The following RIPK4 variants were observed in gnomAD, a reference collection of about 807,000 sequenced individuals.
The protein encoded by RIPK4 is receptor interacting serine/threonine kinase 4.
Under a neutral mutation model 42.9 loss-of-function variants are expected in RIPK4, and 17 were observed. The observed-to-expected ratio is 0.40, with a 90% CI of 0.27 to 0.59. RIPK4 has a LOEUF of 0.59. Among genes scored for constraint, RIPK4 ranks in the 20% least tolerant of loss-of-function variants. The pLI is 0.47. For missense variants in RIPK4, 897 were observed against 1,104.4 expected, an observed-to-expected ratio of 0.81 and a Z score of 2.66; for synonymous variants, 498 against 499.1, an observed-to-expected ratio of 1.00 and a Z score of 0.03.
intron 7 of RIPK4, among the ~76,000 whole-genome samples, chr21:41,743,464 C>T (rs2061160698): frequency 2.6e-5 from 4 of 152,206 alleles, no homozygotes; most frequent in Non-Finnish European, 5.9e-5. Flanking sequence ...AACGGGGAGC[C>T]CACATATGCG....
rs2061169476 is a variant in RIPK4, at chr21:41,745,963, C to T, written c.833-101G>A. ...CCCCCACGAGCTGGGGGATTTCTCA[C>T]ACGCCTCGGCCCAGCCTGAGCTCAC... On this transcript the variant is annotated intron_variant, in intron 5 of 7. Coordinates refer to ENST00000332512, the MANE Select transcript of RIPK4 (RefSeq NM_020639.3). The T allele has an allele frequency of 5.0e-6, 5 of 998,226 alleles. No individual in the cohort carries two copies. In the Admixed American group the frequency reaches 8.6e-5, roughly 17 times the overall value. The allele number at this position is 998,226 out of a possible 1,614,324, so 61.8% of individuals were successfully genotyped here.
Position 41,767,028 on chromosome 21 carries a change from C to T in RIPK4, c.14G>A (p.Gly5Asp), listed in dbSNP as rs769215530. Residue 5 changes from glycine (G) to aspartate (D), a missense_variant, in exon 1 of 8, where the codon GGC (glycine) becomes GAC (aspartate). Physicochemically the swap from Gly to Asp is moderately conservative, Grantham distance 94 (BLOSUM62 -1). Transcript: ENST00000332512. This position sits in a 1 kb window ranked among gnomAD's most constrained non-coding sequence, Gnocchi z 4.0. ...CAGCGCCAGGGCCCATGGGGTCCCG[C>T]CGTCGCCCTCCATCGCGCACGTCTA... is the stretch of plus-strand genomic sequence containing the variant. MEGD[G>D]GTPWALALLR... is the part of the protein sequence containing the mutation. 1 of 1,577,496 alleles carries T rather than the reference C, an allele frequency of 6.3e-7. No homozygotes were observed. The highest frequency in any genetic ancestry group is 2.5e-5 in the East Asian group (1 of 40,330).
chr21:41,745,069 G>A (rs2061166512), intron 6 of RIPK4, among the ~76,000 whole-genome samples: 1 of 152,030 alleles, frequency 6.6e-6, no homozygotes, highest in African/African-American at 2.4e-5. Context: ...CCCTTATCAG[G>A]GCCCAGGTCT....
intron 1 of RIPK4, among the ~76,000 whole-genome samples, chr21:41,758,041 T>TATATATATATAG (rs1452050960): frequency 3.4e-5 from 2 of 58,486 alleles, no homozygotes; most frequent in Admixed American, 2.1e-4. Context: ...TATATATATA[T>TATATATATATAG]AGAGAGAGAG....
At position 41,742,829 on chromosome 21, in the gene RIPK4, G is replaced by T. The variant is rs1012558513; in HGVS notation, c.1196-832C>A. ...GTCATTTCAGAGTATTAGACCCAAA[G>T]AGAATGTTCTAGAACGTACTTATCC... On this transcript the variant is annotated intron_variant, in intron 7 of 7. Coordinates refer to ENST00000332512, the MANE Select transcript of RIPK4 (RefSeq NM_020639.3). This position sits in a 1 kb window ranked among gnomAD's most constrained non-coding sequence, Gnocchi z 5.1. Among the ~76,000 whole-genome samples the T allele has an allele frequency of 1.3e-5, 2 of 152,232 alleles. No individual in the cohort carries two copies. Among genetic ancestry groups the T allele is most frequent in the African/African-American group, 2.4e-5 (1 of 41,538 alleles).
rs886057089 is a variant in RIPK4 at position 41,756,728 on chromosome 21, G to T, written c.271C>A (p.Pro91Thr). The T allele has an allele frequency of 6.2e-7, 1 of 1,614,132 alleles. No individual in the cohort carries two copies. The highest frequency in any genetic ancestry group is 1.3e-5 in the African/African-American group (1 of 74,954). ...ILPVYGICREPVGLVMEYMET... is the reference protein window; with the variant it reads ...ILPVYGICRETVGLVMEYMET... Reference sequence around the variant, plus strand: ...ATGTACTCCATGACCAGGCCGACAGGTTCGCGGCAGATGCCATACACAGGC... The same window carrying T: ...ATGTACTCCATGACCAGGCCGACAGTTTCGCGGCAGATGCCATACACAGGC... Residue 91 changes from proline to threonine, a missense_variant, in exon 2 of 8, where the codon CCT (proline) becomes ACT (threonine). Transcript: ENST00000332512.
intron 6 of RIPK4, 56 bp downstream of exon 6, chr21:41,745,703 A>G (rs2061168470): frequency 7.3e-7 from 1 of 1,376,064 alleles, no homozygotes; most frequent in Admixed American, 1.7e-5. Context: ...AGTGGTTTGG[A>G]AACTCCTGCC....
rs369458170 is a variant in RIPK4, at chr21:41,740,840, A to G, written c.2353T>C (p.Ter785GlnextTer60). 4 of 1,598,808 alleles carry G rather than the reference A, an allele frequency of 2.5e-6. No homozygotes were observed. In the Admixed American group the frequency reaches 5.1e-5, roughly 20 times the overall value. The stretch of plus-strand genomic sequence containing the variant: ...CCCCGGTCTCCGCAGGCAGCCAGCT[A>G]GGTCTTGCTTCGCCGCAGGAGCGTG... ...AATLLRRSKT[*>Q] Residue 785 changes from the stop codon to glutamine, a stop_lost, in exon 8 of 8, where the codon TAG becomes CAG. Transcript: ENST00000332512.
chr21:41,764,706 G>C (rs946447838), intron 1 of RIPK4, among the ~76,000 whole-genome samples: 1 of 152,144 alleles, frequency 6.6e-6, no homozygotes, highest in Non-Finnish European at 1.5e-5. Context: ...GAGCACAGTG[G>C]GACTGATGTA....
chr21:41,759,783 T>A (rs1433157959), intron 1 of RIPK4, among the ~76,000 whole-genome samples: 1 of 152,136 alleles, frequency 6.6e-6, no homozygotes, highest in South Asian at 2.1e-4. Context: ...GTTCAGCCCC[T>A]CCTAGGCTTC....
rs552498046 is a variant in RIPK4 at position 41,756,531 on chromosome 21, G to A, written c.468C>T (p.His156=). ...PANILLDAHY[H]VKISDFGLAK... ...GCACCGTGCGGCCCCCCACCTTGAC[G>A]TGGTAGTGGGCATCCAGCAGGATGT... Residue 156 remains histidine, a synonymous_variant, in exon 2 of 8, where the codon CAC becomes CAT. Coordinates refer to ENST00000332512, the MANE Select transcript of RIPK4 (RefSeq NM_020639.3). 6.2e-6 allele frequency: 10 copies of A among 1,611,986 alleles called. No individual in the cohort carries two copies. In the East Asian group the frequency reaches 6.7e-5, roughly 11 times the overall value.
At chr21:41,745,629 G>T in intron 6 of RIPK4, 130 bp downstream of exon 6, 1 of 671,442 alleles carries the variant, frequency 1.5e-6, no homozygotes, top group African/African-American at 1.8e-5. Context: ...TAATGGAGTT[G>T]GGTGCGGGAT....
intron 1 of RIPK4, 127 bp downstream of exon 1, chr21:41,766,733 G>T: frequency 9.7e-7 from 1 of 1,031,630 alleles, no homozygotes; most frequent in African/African-American, 1.7e-5. Flanking sequence ...CCGGCAATTG[G>T]TTTCCCCCCC....
intron 1 of RIPK4, 48 bp from the exon 2 acceptor site, chr21:41,756,864 C>G: frequency 6.3e-7 from 1 of 1,580,146 alleles, no homozygotes; most frequent in Non-Finnish European, 8.6e-7. Context: ...CACTCAGCCA[C>G]AAACATGGAA....
rs778114804 is a variant in RIPK4 at position 41,751,137 on chromosome 21, C to T, written c.583G>A (p.Glu195Lys). 6 of 1,614,174 alleles carry T rather than the reference C, an allele frequency of 3.7e-6. No homozygotes were observed. The highest frequency in any genetic ancestry group is 5.1e-6 in the Non-Finnish European group (6 of 1,180,030). The change falls in exon 3 of 8, where the codon GAG becomes AAG. Residue 195 changes from glutamate (E) to lysine (K), a missense_variant. Glu to Lys is a moderately conservative substitution (Grantham distance 56). Transcript: ENST00000332512. The surrounding 1 kb of genome is among the most constrained non-coding windows in gnomAD (Gnocchi z 4.5). ...IAYLPPERIR[E>K]KSRLFDTKHD... The stretch of plus-strand genomic sequence containing the variant: ...TTGGTGTCGAAGAGCCGGCTCTTCT[C>T]CCTGATGCGCTCTGGAGGGAGGTAG...
chr21:41,742,062 G>C lies in RIPK4; in HGVS notation c.1196-65C>G. On this transcript the variant is annotated intron_variant, in intron 7 of 7. Transcript: ENST00000332512. The surrounding 1 kb of genome is among the most constrained non-coding windows in gnomAD (Gnocchi z 5.1). ...ACATCCAGGGACGTGGCGTCTCTGG[G>C]AGCCTGGCTGTGGCGCTCAGGTGGA... The C allele has an allele frequency of 6.3e-6, 9 of 1,425,402 alleles. No individual in the cohort carries two copies. The highest frequency in any genetic ancestry group is 6.6e-6 in the Non-Finnish European group (7 of 1,053,404). 88.3% of individuals were successfully genotyped at this position (1,425,402 alleles called of 1,614,324 possible). A position where few individuals can be genotyped will look rare whatever the true frequency, so the allele number is the denominator to read the frequency against.
intron 1 of RIPK4, among the ~76,000 whole-genome samples, chr21:41,765,598 C>A (rs1055096153): frequency 5.3e-5 from 8 of 152,240 alleles, no homozygotes; most frequent in Admixed American, 2.0e-4. Flanking sequence ...ACTGCCACCC[C>A]AGACACAGGC....
At chr21:41,759,448 A>T (rs1377195740) in intron 1 of RIPK4, among the ~76,000 whole-genome samples, 2 of 152,150 alleles carry the variant, frequency 1.3e-5, no homozygotes, top group Non-Finnish European at 2.9e-5. Flanking sequence ...GAACCACACT[A>T]GGAGAGATCC....
At position 41,740,815 on chromosome 21, in the gene RIPK4, C is replaced by A; in HGVS notation, c.*23G>T. On this transcript the variant is annotated 3_prime_UTR_variant, in exon 8 of 8. Transcript: ENST00000332512. The stretch of plus-strand genomic sequence containing the variant: ...GACAGGACAAGAGCCCCACGTGGAC[C>A]CCCGGTCTCCGCAGGCAGCCAGCTA... 6.4e-7 allele frequency: 1 copy of A among 1,573,808 alleles called. No individual in the cohort carries two copies. Among genetic ancestry groups the A allele is most frequent in the Non-Finnish European group, 8.6e-7 (1 of 1,162,336 alleles).
Sources: gnomAD v4.1 joint callset for allele counts (sites outside exome capture counted in the v4.1 genomes callset) on GRCh38, gnomAD v4.1.1 for gene constraint, Gnocchi (gnomAD v3.1) non-coding constraint, MANE v1.5 for transcripts, NCBI Gene and HGNC (gene_info 2026-07-23, HGNC 2026-07-21) for gene names.